ZNF407: variants seen among roughly 807,000 people sequenced by gnomAD.
ZNF407 encodes zinc finger protein 407.
ZNF407 carries 17 observed loss-of-function variants against 131.2 expected under a neutral mutation model. The ratio of observed to expected loss-of-function variants is 0.13; its 90% CI spans 0.09 to 0.19. ZNF407 has a LOEUF of 0.19. Among genes scored for constraint, ZNF407 ranks in the 10% least tolerant of loss-of-function variants. ZNF407 has a pLI of 1.00. For missense variants in ZNF407, 2,681 were observed against 2,830.6 expected, an observed-to-expected ratio of 0.95 and a Z score of 1.20; for synonymous variants, 1,156 against 1,062.0, an observed-to-expected ratio of 1.09 and a Z score of -1.72.
At chr18:74,892,203 A>G (rs917731188) in intron 7 of ZNF407, among the ~76,000 whole-genome samples, 10 of 152,184 alleles carry the variant, frequency 6.6e-5, no homozygotes, top group South Asian at 2.1e-4. Context: ...ACAATTGCCA[A>G]TTAGCCGCAG....
chr18:74,750,125 A>T (rs1330487732), intron 3 of ZNF407, among the ~76,000 whole-genome samples: 1 of 152,134 alleles, frequency 6.6e-6, no homozygotes, highest in Non-Finnish European at 1.5e-5. Context: ...CTTCTCTTCC[A>T]GGAATATCAT....
intron 4 of ZNF407, among the ~76,000 whole-genome samples, chr18:74,795,415 T>G (rs541092374): frequency 6.6e-6 from 1 of 152,338 alleles, no homozygotes; most frequent in Non-Finnish European, 1.5e-5. Context: ...TTTGAGAAAC[T>G]TTATTCAAGC....
rs1431285270 is a variant in ZNF407 at position 75,065,598 on chromosome 18, T to C, written c.*1130T>C. 1 of 152,242 alleles carries C rather than the reference T, an allele frequency of 6.6e-6. No individual in the cohort carries two copies. Among genetic ancestry groups the C allele is most frequent in the African/African-American group, 2.4e-5 (1 of 41,460 alleles). The allele number at this position is 152,242 out of a possible 1,614,324, so 9.4% of individuals were successfully genotyped here. A position where few individuals can be genotyped will look rare whatever the true frequency, so the allele number is the denominator to read the frequency against. On this transcript the variant is annotated 3_prime_UTR_variant, in exon 9 of 9. Coordinates refer to ENST00000299687, the MANE Select transcript of ZNF407 (RefSeq NM_017757.3). ...TCTTTTCCAAAACTGTAAAATAATC[T>C]CCTCCCTCAAATGCAAAGGTTGTTT... is the stretch of plus-strand genomic sequence containing the variant.
At chr18:74,790,157 G>A (rs1969799143) in intron 4 of ZNF407, among the ~76,000 whole-genome samples, 1 of 152,172 alleles carries the variant, frequency 6.6e-6, no homozygotes, top group African/African-American at 2.4e-5. Flanking sequence ...CCAAAAGACT[G>A]TAATAATACT....
At chr18:74,602,176 G>A (rs1428478651) in intron 1 of ZNF407, among the ~76,000 whole-genome samples, 4 of 152,148 alleles carry the variant, frequency 2.6e-5, no homozygotes, top group Non-Finnish European at 5.9e-5. Context: ...ATAAAACCCA[G>A]AAATAGCCTT....
At chr18:74,651,247 C>T (rs761486015) in intron 3 of ZNF407, among the ~76,000 whole-genome samples, 2 of 151,854 alleles carry the variant, frequency 1.3e-5, no homozygotes, top group Non-Finnish European at 2.9e-5. Context: ...TTTATTGAGC[C>T]GAAATGTTTT....
intron 6 of ZNF407, among the ~76,000 whole-genome samples, chr18:74,881,336 G>A (rs1235701944): frequency 6.6e-6 from 1 of 152,114 alleles, no homozygotes; most frequent in Non-Finnish European, 1.5e-5. Context: ...CAAGAAGCAG[G>A]TACCCTCAGT....
At chr18:74,728,913 T>C (rs1231267744) in intron 3 of ZNF407, among the ~76,000 whole-genome samples, 1 of 152,122 alleles carries the variant, frequency 6.6e-6, no homozygotes, top group Non-Finnish European at 1.5e-5. Flanking sequence ...TATTGAGTGG[T>C]ACGGTTGTTT....
intron 7 of ZNF407, among the ~76,000 whole-genome samples, chr18:74,906,223 T>C (rs1971593351): frequency 6.6e-6 from 1 of 152,200 alleles, no homozygotes; most frequent in South Asian, 2.1e-4. Context: ...AATAAAGAAG[T>C]TAGCTCCATT....
intron 8 of ZNF407, among the ~76,000 whole-genome samples, chr18:75,044,946 A>C (rs1184770445): frequency 6.6e-6 from 1 of 152,234 alleles, no homozygotes; most frequent in African/African-American, 2.4e-5. Flanking sequence ...AAATTCCATT[A>C]CAGCAAAGAA....
At chr18:75,012,723 A>C (rs12955353) in intron 8 of ZNF407, among the ~76,000 whole-genome samples, 143,872 of 151,126 alleles carry the variant, frequency 0.95, 68,879 homozygotes, top group South Asian at 1. Flanking sequence ...ATTTGCTATT[A>C]GGCAATTCCA....
rs191058881 is a variant in ZNF407 at position 74,994,600 on chromosome 18, C to T, written c.5429-68550C>T. Among the ~76,000 whole-genome samples, 7 of 152,268 alleles carry T rather than the reference C, an allele frequency of 4.6e-5. No homozygotes were observed. The East Asian group carries it at 9.6e-4, about 21-fold the overall frequency. On this transcript the variant is annotated intron_variant, in intron 8 of 8. Coordinates refer to ENST00000299687, the MANE Select transcript of ZNF407 (RefSeq NM_017757.3). ...AGTTCGACCCTGAATGTGGACTGTC[C>T]CTGCTGGTGTGTGTCCATCTGTGCA...
At chr18:74,849,070 T>TA (rs1412578805) in intron 4 of ZNF407, among the ~76,000 whole-genome samples, 1 of 149,098 alleles carries the variant, frequency 6.7e-6, no homozygotes, top group Non-Finnish European at 1.5e-5. Flanking sequence ...TTTTTTTATT[T>TA]TTTATTTTTT....
intron 3 of ZNF407, among the ~76,000 whole-genome samples, chr18:74,750,214 T>A (rs1362761715): frequency 6.6e-6 from 1 of 152,224 alleles, no homozygotes; most frequent in East Asian, 1.9e-4. Context: ...GGCATTACTA[T>A]ATCTTACCTA....
chr18:74,926,655 T>C (rs1266055908), intron 8 of ZNF407, among the ~76,000 whole-genome samples: 3 of 151,964 alleles, frequency 2.0e-5, no homozygotes, highest in African/African-American at 7.3e-5. Flanking sequence ...ATACAAAAAT[T>C]AGCTGGGCAT....
At chr18:74,817,226 G>A (rs970733158) in intron 4 of ZNF407, among the ~76,000 whole-genome samples, 3 of 152,178 alleles carry the variant, frequency 2.0e-5, no homozygotes, top group African/African-American at 7.2e-5. Context: ...TTGCAGTTTG[G>A]ATTTCTGATT....
At chr18:74,755,891 T>TCC (rs1568200118) in intron 3 of ZNF407, among the ~76,000 whole-genome samples, 2 of 64,446 alleles carry the variant, frequency 3.1e-5, no homozygotes, top group African/African-American at 8.1e-5. Context: ...CTTCCTTTTT[T>TCC]TTTTTTTTTT....
chr18:74,845,999 C>T (rs1354099135), intron 4 of ZNF407, among the ~76,000 whole-genome samples: 2 of 152,092 alleles, frequency 1.3e-5, no homozygotes, highest in African/African-American at 2.4e-5. Flanking sequence ...TAAAATAATT[C>T]CTTGAAATTT....
At chr18:74,659,415 T>C (rs1985617518) in intron 3 of ZNF407, among the ~76,000 whole-genome samples, 1 of 152,174 alleles carries the variant, frequency 6.6e-6, no homozygotes. Context: ...AATTTTGAAA[T>C]TGACCTTTGA....
Sources: gnomAD v4.1 joint callset for allele counts (sites outside exome capture counted in the v4.1 genomes callset) on GRCh38, gnomAD v4.1.1 for gene constraint, MANE v1.5 for transcripts, NCBI Gene and HGNC (gene_info 2026-07-23, HGNC 2026-07-21) for gene names.